Variants in RP1 observed in about 807,000 individuals in gnomAD.
RP1 encodes RP1 axonemal microtubule associated.
A neutral mutation model predicts 14.8 loss-of-function variants in RP1; 16 were observed. That is an observed-to-expected ratio of 1.08 (90% CI 0.73 to 1.65). The LOEUF is 1.65. Among genes scored for constraint, RP1 ranks in the 40% most tolerant of loss-of-function variants. The pLI is 0.00. For missense variants in RP1, 2,631 were observed against 2,535.0 expected (o/e 1.04, Z -0.81); for synonymous variants, 876 against 883.6 (o/e 0.99, Z 0.15).
intron 25 of RP1, among the ~76,000 whole-genome samples, chr8:54,838,679 G>C (rs1468096941): frequency 2.0e-5 from 3 of 152,070 alleles, no homozygotes; most frequent in Non-Finnish European, 4.4e-5. Flanking sequence ...GCATATTCCT[G>C]CATGCATATG....
chr8:54,845,988 T>C (rs1203418601), intron 25 of RP1, among the ~76,000 whole-genome samples: 1 of 152,212 alleles, frequency 6.6e-6, no homozygotes, highest in Non-Finnish European at 1.5e-5. Context: ...GATAAACTTC[T>C]GGTCTCTAAA....
downstream of RP1, among the ~76,000 whole-genome samples, chr8:54,773,956 G>A (rs1340882537): frequency 6.6e-6 from 1 of 152,166 alleles, no homozygotes; most frequent in African/African-American, 2.4e-5. Context: ...TCTCCTCTCA[G>A]TTCTGTTACC....
chr8:54,687,131 TAGAA>T (rs1469433035), intron 12 of RP1, among the ~76,000 whole-genome samples: 1 of 152,126 alleles, frequency 6.6e-6, no homozygotes, highest in Admixed American at 6.6e-5. Context: ...ACTCAATTCC[TAGAA>T]AGAATCAGGA....
chr8:54,737,629 C>T (rs1248864104), intron 18 of RP1, among the ~76,000 whole-genome samples: 1 of 152,088 alleles, frequency 6.6e-6, no homozygotes, highest in African/African-American at 2.4e-5. Flanking sequence ...ATTAACATCC[C>T]TATTTTCCTT....
chr8:54,792,964 G>A (rs1810502353), intron 24 of RP1, among the ~76,000 whole-genome samples: 1 of 151,578 alleles, frequency 6.6e-6, no homozygotes, highest in Non-Finnish European at 1.5e-5. Context: ...AAAAAAGTGG[G>A]AGAACTCAGA....
rs554714895 is a variant in RP1, at chr8:54,731,787, G to GA, written c.2522-2750dup. The stretch of plus-strand genomic sequence containing the variant: ...TTGTGTTCATTCATGCACGGACATG[G>GA]AAAAAAAATTCAGACTAAATAACTG... On this transcript the variant is annotated intron_variant, in intron 17 of 22. Coordinates refer to the RP1 transcript ENST00000636932. 1.8e-3 allele frequency among the ~76,000 whole-genome samples: 279 copies of GA among 152,040 alleles called. 1 individual carries two copies. The highest frequency in any genetic ancestry group is 3.2e-3 in the Non-Finnish European group (217 of 67,934).
At chr8:54,801,348 C>A (rs772471460) in intron 24 of RP1, among the ~76,000 whole-genome samples, 24 of 152,156 alleles carry the variant, frequency 1.6e-4, no homozygotes, top group Non-Finnish European at 1.3e-4. Flanking sequence ...CTTAGCCAGG[C>A]GTTGCAAACC....
chr8:54,864,124 G>A (rs1030280892), intron 27 of RP1, among the ~76,000 whole-genome samples: 5 of 152,170 alleles, frequency 3.3e-5, no homozygotes, highest in Admixed American at 6.5e-5. Context: ...TGTTGACACT[G>A]CCACCATTTG....
At chr8:54,676,139 G>T (rs1477400225) in intron 8 of RP1, among the ~76,000 whole-genome samples, 1 of 152,112 alleles carries the variant, frequency 6.6e-6, no homozygotes, top group African/African-American at 2.4e-5. Flanking sequence ...TCCAATAGAT[G>T]AATTTTAGGG....
chr8:54,812,740 A>G (rs78662602), intron 24 of RP1, among the ~76,000 whole-genome samples: 5,975 of 151,458 alleles, frequency 0.039, 148 homozygotes, highest in African/African-American at 0.068. Flanking sequence ...CTATGTATCT[A>G]TGTATCCATG....
chr8:54,756,810 T>C (rs570069759), intron 21 of RP1, among the ~76,000 whole-genome samples: 19 of 152,296 alleles, frequency 1.2e-4, no homozygotes, highest in African/African-American at 4.1e-4. Context: ...GCATGTATCA[T>C]TTTGCAGCAG....
Position 54,644,577 on chromosome 8 carries a change from T to C in RP1, c.788-4408T>C, listed in dbSNP as rs942909046. On this transcript the variant is annotated intron_variant, in intron 3 of 22. Coordinates refer to the RP1 transcript ENST00000636932. ...TGGCTGATTGGATCAGTGAATCATA[T>C]GTTTAATGCTGTTAGCAAGAGGTTG... Among the ~76,000 whole-genome samples, 4 of 152,188 alleles carry C rather than the reference T, an allele frequency of 2.6e-5. No individual in the cohort carries two copies. The South Asian group carries it at 6.2e-4, about 24-fold the overall frequency.
chr8:54,603,262 C>T (rs1379341889), intron 1 of RP1, among the ~76,000 whole-genome samples: 2 of 151,850 alleles, frequency 1.3e-5, no homozygotes, highest in Non-Finnish European at 2.9e-5. Flanking sequence ...ATATGGCTAG[C>T]CAGTTTTCCC....
chr8:54,611,371 G>C (rs1585549807), upstream of RP1, among the ~76,000 whole-genome samples: 1 of 152,032 alleles, frequency 6.6e-6, no homozygotes. Flanking sequence ...TTCAAACTCT[G>C]TTTACCTTTC....
chr8:54,839,105 TTGAC>T (rs1195007746), intron 25 of RP1, among the ~76,000 whole-genome samples: 1 of 152,234 alleles, frequency 6.6e-6, no homozygotes, highest in East Asian at 1.9e-4. Context: ...GCCTAGTTCT[TTGAC>T]TGTTTCATCC....
At position 54,689,048 on chromosome 8, in the gene RP1, C is replaced by T. The variant is rs1273804602; in HGVS notation, c.1717+9115C>T. ...TTGACATCCCTTGTAAGTTGGATTC[C>T]TAGGTGTTTTATTCTCTTTGTAGCA... On this transcript the variant is annotated intron_variant, in intron 12 of 22. Coordinates refer to the RP1 transcript ENST00000636932. Among the ~76,000 whole-genome samples, 3 of 152,008 alleles carry T rather than the reference C, an allele frequency of 2.0e-5. 1 individual carries two copies. The South Asian group carries it at 6.2e-4, about 32-fold the overall frequency.
intron 1 of RP1, among the ~76,000 whole-genome samples, chr8:54,565,707 G>A (rs565189741): frequency 8.5e-5 from 13 of 152,242 alleles, no homozygotes; most frequent in Admixed American, 2.6e-4. Flanking sequence ...GGTGGAGAGC[G>A]GGGATTGGGG....
At chr8:54,633,237 G>A (rs1350389486), downstream of RP1, among the ~76,000 whole-genome samples, 3 of 152,096 alleles carry the variant, frequency 2.0e-5, no homozygotes, top group African/African-American at 7.2e-5. Flanking sequence ...AAGTTCAAAA[G>A]TAGAGGCACT....
chr8:54,725,950 A>T (rs1808644418), intron 16 of RP1, among the ~76,000 whole-genome samples: 2 of 152,194 alleles, frequency 1.3e-5, no homozygotes, highest in Admixed American at 6.5e-5. Flanking sequence ...TGATTCATGT[A>T]TTTCAGTAAG....
Sources: gnomAD v4.1 joint callset for allele counts (sites outside exome capture counted in the v4.1 genomes callset) on GRCh38, gnomAD v4.1.1 for gene constraint, MANE v1.5 for transcripts, NCBI Gene and HGNC (gene_info 2026-07-23, HGNC 2026-07-21) for gene names.